FNBP1: variants seen among roughly 807,000 people sequenced by gnomAD.
FNBP1 encodes formin-binding protein 1.
Under a neutral mutation model 90.6 loss-of-function variants are expected in FNBP1, and 26 were observed. The ratio of observed to expected loss-of-function variants is 0.29; its 90% confidence interval spans 0.21 to 0.40. FNBP1 has a LOEUF of 0.40. Among genes scored for constraint, FNBP1 ranks in the 10% least tolerant of loss-of-function variants. FNBP1 has a pLI of 1.00. For synonymous variants in FNBP1, 260 were observed against 265.2 expected, an observed-to-expected ratio of 0.98 and a Z score of 0.19; for missense variants, 635 against 768.0, an observed-to-expected ratio of 0.83 and a Z score of 2.05.
In FNBP1 at chr9:129,900,222, G is replaced by A; in HGVS notation, c.1551-121C>T. On this transcript the variant is annotated intron_variant, in intron 14 of 16. Coordinates refer to ENST00000446176, the MANE Select transcript of FNBP1 (RefSeq NM_015033.3). The surrounding 1 kb of genome is among the most constrained non-coding windows in gnomAD (Gnocchi z 4.1). ...CCCCTCAGCGAGTGCTGTAACTGAG[G>A]CCATGGTAAATCATCGCACGCTCAG... 1 of 1,227,922 alleles carries A rather than the reference G, an allele frequency of 8.1e-7. No homozygotes were observed. Among genetic ancestry groups the A allele is most frequent in the East Asian group, 2.7e-5 (1 of 36,612 alleles). 76.1% of individuals were successfully genotyped at this position (1,227,922 alleles called of 1,614,324 possible). A position where few individuals can be genotyped will look rare whatever the true frequency, so the allele number is the denominator to read the frequency against.
At chr9:129,912,041 C>T (rs2039394035) in intron 11 of FNBP1, among the ~76,000 whole-genome samples, 1 of 152,114 alleles carries the variant, frequency 6.6e-6, no homozygotes. Flanking sequence ...CAGGGGAACC[C>T]CAACTTGAAG....
In FNBP1 at chr9:130,043,181, A is replaced by AGCAGCC. The variant is rs1470536929; in HGVS notation, c.-212_-207dup. ...CCACAGCAAAATGGCCCGAGGAAGCAGCAGCCGCGGCCGCCGCAGCGCCCG... is the reference window on the plus strand; with the variant it reads ...CCACAGCAAAATGGCCCGAGGAAGCAGCAGCCGCAGCCGCGGCCGCCGCAGCGCCCG... On this transcript the variant is annotated 5_prime_UTR_variant, in exon 1 of 17. Coordinates refer to ENST00000446176, the MANE Select transcript of FNBP1 (RefSeq NM_015033.3). 1.0e-5 allele frequency: 4 copies of AGCAGCC among 382,880 alleles called. No individual in the cohort carries two copies. Among genetic ancestry groups the AGCAGCC allele is most frequent in the Non-Finnish European group, 1.8e-5 (4 of 220,206 alleles). The allele number at this position is 382,880 out of a possible 1,614,324, so 23.7% of individuals were successfully genotyped here.
intron 4 of FNBP1, among the ~76,000 whole-genome samples, chr9:129,970,858 G>T (rs1016666972): frequency 6.6e-5 from 10 of 152,040 alleles, no homozygotes; most frequent in African/African-American, 2.4e-4. Context: ...GGGGAGAAAG[G>T]TTCTCTTTTT....
At chr9:129,939,587 G>A (rs1287962257) in intron 6 of FNBP1, among the ~76,000 whole-genome samples, 1 of 152,164 alleles carries the variant, frequency 6.6e-6, no homozygotes, top group Non-Finnish European at 1.5e-5. Flanking sequence ...AAGCTGTGGA[G>A]TGGGGGAAGA....
At chr9:130,017,143 T>G (rs190639311) in intron 1 of FNBP1, among the ~76,000 whole-genome samples, 2 of 152,150 alleles carry the variant, frequency 1.3e-5, no homozygotes, top group Admixed American at 6.5e-5. Flanking sequence ...TATTAAAAAA[T>G]AATTCAATCA....
At chr9:130,046,593 A>G (rs563707129), upstream of FNBP1, among the ~76,000 whole-genome samples, 1 of 148,730 alleles carries the variant, frequency 6.7e-6, no homozygotes, top group Non-Finnish European at 1.5e-5. Flanking sequence ...AAAAAAAAAA[A>G]AAAAAAAAAA....
chr9:129,980,939 T>C (rs1205383212), intron 2 of FNBP1, among the ~76,000 whole-genome samples: 1 of 151,006 alleles, frequency 6.6e-6, no homozygotes, highest in Non-Finnish European at 1.5e-5. Flanking sequence ...TAGTCCCAGC[T>C]ACTCGGGAGG....
intron 1 of FNBP1, among the ~76,000 whole-genome samples, chr9:130,039,002 A>G (rs1223589971): frequency 6.6e-6 from 1 of 152,224 alleles, no homozygotes; most frequent in Admixed American, 6.5e-5. Flanking sequence ...CAAGAAAAAA[A>G]AAACATTCAA....
chr9:129,972,816 C>T (rs989507559), intron 4 of FNBP1, among the ~76,000 whole-genome samples: 5 of 152,100 alleles, frequency 3.3e-5, no homozygotes, highest in South Asian at 2.1e-4. Flanking sequence ...ATAGGTGCTC[C>T]GTTTTCTGTA....
At chr9:130,038,040 A>G (rs1216228938) in intron 1 of FNBP1, among the ~76,000 whole-genome samples, 1 of 152,084 alleles carries the variant, frequency 6.6e-6, no homozygotes, top group African/African-American at 2.4e-5. Flanking sequence ...GCATGGTTCT[A>G]AAAATCACAG....
intron 10 of FNBP1, among the ~76,000 whole-genome samples, chr9:129,917,729 CAT>C (rs2131738174): frequency 6.6e-6 from 1 of 152,232 alleles, no homozygotes; most frequent in East Asian, 1.9e-4. Flanking sequence ...TATATAGAAA[CAT>C]GAGATTTTAA....
At chr9:129,944,823 C>T (rs2044973088) in intron 6 of FNBP1, among the ~76,000 whole-genome samples, 1 of 152,170 alleles carries the variant, frequency 6.6e-6, no homozygotes, top group African/African-American at 2.4e-5. Flanking sequence ...TTTGAACCCA[C>T]TTCCACGTAA....
At chr9:130,048,491 C>CTGTTTTTTTTT in the FNBP1 span, among the ~76,000 whole-genome samples, 1 of 105,082 alleles carries the variant, frequency 9.5e-6, no homozygotes, top group Non-Finnish European at 1.8e-5. Context: ...CCTCAGTTTC[C>CTGTTTTTTTTT]TTTTTTTTTT....
intron 1 of FNBP1, chr9:130,013,999 C>G (rs545088251): frequency 3.7e-4 from 170 of 456,466 alleles, no homozygotes; most frequent in East Asian, 2.2e-3. Context: ...TCTGCTATAG[C>G]AACACAAAAT....
At chr9:129,992,506 C>T (rs1359805223) in intron 2 of FNBP1, among the ~76,000 whole-genome samples, 1 of 149,172 alleles carries the variant, frequency 6.7e-6, no homozygotes, top group Non-Finnish European at 1.5e-5. Flanking sequence ...GTAATCCCAG[C>T]TTGCTGAAAC....
intron 11 of FNBP1, among the ~76,000 whole-genome samples, chr9:129,912,690 C>CAA (rs35355384): frequency 0.097 from 10,498 of 107,794 alleles, 757 homozygotes; most frequent in East Asian, 0.16. Context: ...AACTCCATCT[C>CAA]AAAAAAAAAA....
At chr9:129,925,940 G>A (rs183267685) in intron 8 of FNBP1, among the ~76,000 whole-genome samples, 11 of 151,486 alleles carry the variant, frequency 7.3e-5, no homozygotes, top group Non-Finnish European at 1.3e-4. Flanking sequence ...CTTTTCATCC[G>A]AGCTTTTAGA....
In FNBP1 at chr9:129,939,843, T is replaced by C. The variant is rs936665223; in HGVS notation, c.514-10148A>G. Among the ~76,000 whole-genome samples, 12 of 152,100 alleles carry C rather than the reference T, an allele frequency of 7.9e-5. No individual in the cohort carries two copies. The East Asian group carries it at 1.7e-3, about 22-fold the overall frequency. ...AAATGCACAAGGAAATAAACCACCA[T>C]GAGAGCTGATGCGATAGTAAGAAAA... On this transcript the variant is annotated intron_variant, in intron 6 of 16. Coordinates refer to ENST00000446176, the MANE Select transcript of FNBP1 (RefSeq NM_015033.3).
At chr9:130,021,013 G>C (rs942015287) in intron 1 of FNBP1, among the ~76,000 whole-genome samples, 1 of 152,062 alleles carries the variant, frequency 6.6e-6, no homozygotes, top group Non-Finnish European at 1.5e-5. Flanking sequence ...TGCTTGCTTG[G>C]TTGGTGAAAA....
Sources: gnomAD v4.1 joint callset for allele counts (sites outside exome capture counted in the v4.1 genomes callset) on GRCh38, gnomAD v4.1.1 for gene constraint, Gnocchi (gnomAD v3.1) non-coding constraint, MANE v1.5 for transcripts, NCBI Gene and HGNC (gene_info 2026-07-23, HGNC 2026-07-21) for gene names.